The following ACSF3 variants were observed in gnomAD, a reference collection of about 807,000 sequenced individuals.
ACSF3 encodes acyl-CoA synthetase family member 3, also known as malonate--CoA ligase ACSF3, mitochondrial.
Under a neutral mutation model 53.2 loss-of-function variants are expected in ACSF3, and 78 were observed. The observed-to-expected ratio is 1.47, with a 90% confidence interval of 1.22 to 1.77. The LOEUF is 1.77. ACSF3 is among the 40% of genes most tolerant of loss of function. The probability of loss-of-function intolerance (pLI) is 0.00; values close to 1 mark genes in which losing one functional copy is unlikely to be tolerated. For missense variants in ACSF3, 937 were observed against 771.1 expected (o/e 1.22, Z -2.55); for synonymous variants, 414 against 333.1 (o/e 1.24, Z -2.65).
chr16:89,153,556 GCTCTGTGAGGC>G (rs1051862798), intron 10 of ACSF3: 1 of 172,746 alleles, frequency 5.8e-6, no homozygotes, highest in Admixed American at 5.6e-5. Flanking sequence ...GCCGTGCAGG[GCTCTGTGAGGC>G]CTCTTGCCAC....
chr16:89,145,920 C>G lies in ACSF3; in HGVS notation c.1502-18C>G, dbSNP rs759372180. ...ACTGAGGCATCCCCATGTTCTCAAA[C>G]TGTTCTTCTATCCGCAGATGTGGCT... On this transcript the variant is annotated intron_variant, in intron 9 of 10. Coordinates refer to ENST00000614302, the MANE Select transcript of ACSF3 (RefSeq NM_001243279.3). 1.2e-4 allele frequency: 187 copies of G among 1,607,738 alleles called. No individual in the cohort carries two copies. Among genetic ancestry groups the G allele is most frequent in the Non-Finnish European group, 1.4e-4 (169 of 1,174,266 alleles).
rs911570704 is a variant in ACSF3 at position 89,154,109 on chromosome 16, G to A, written c.1633G>A (p.Ala545Thr). ...EWARNVLAPY[A>T]VPSELVLVEE... ...CTGCAGAAATGTCCTGGCCCCGTACGCGGTGCCCTCGGAGCTGGTGCTGGT... is the reference window on the plus strand; with the variant it reads ...CTGCAGAAATGTCCTGGCCCCGTACACGGTGCCCTCGGAGCTGGTGCTGGT... The change falls in exon 11 of 11, where the codon GCG becomes ACG. Residue 545 changes from alanine (A) to threonine (T), a missense_variant. By Grantham distance (58) the Ala-to-Thr change is moderately conservative (BLOSUM62 0). Coordinates refer to ENST00000614302, the MANE Select transcript of ACSF3 (RefSeq NM_001243279.3). 18 of 1,613,026 alleles carry A rather than the reference G, an allele frequency of 1.1e-5. No homozygotes were observed. The African/African-American group carries it at 1.5e-4, about 13-fold the overall frequency.
intron 7 of ACSF3, among the ~76,000 whole-genome samples, chr16:89,130,156 C>G (rs573536635): frequency 2.0e-5 from 3 of 152,346 alleles, no homozygotes; most frequent in South Asian, 2.1e-4. Flanking sequence ...TAGATCAGAT[C>G]TGCTTGCAAC....
chr16:89,145,978 G>A lies in ACSF3; in HGVS notation c.1542G>A (p.Gln514=), dbSNP rs746953848. 6.2e-7 allele frequency: 1 copy of A among 1,614,126 alleles called. No individual in the cohort carries two copies. The highest frequency in any genetic ancestry group is 1.7e-5 in the Admixed American group (1 of 60,018). Residue 514 remains glutamine (Q), a synonymous_variant, in exon 10 of 11, where the codon CAG becomes CAA. Coordinates refer to ENST00000614302, the MANE Select transcript of ACSF3 (RefSeq NM_001243279.3). ...GAGTTCCGGATATGACATGGGGCCA[G>A]CGGGTCACTGCTGTGGTGACCCTCC... ...VIGVPDMTWG[Q]RVTAVVTLRE...
chr16:89,114,478 C>G lies in ACSF3; in HGVS notation c.1117C>G (p.Arg373Gly), dbSNP rs144907664. The G allele has an allele frequency of 3.7e-6, 6 of 1,611,722 alleles. No individual in the cohort carries two copies. In the Admixed American group the frequency reaches 5.0e-5, roughly 13 times the overall value. The stretch of plus-strand genomic sequence containing the variant: ...GTCCGGGCCCCTGACCACTGCCGTG[C>G]GCCTGCCAGGTACGAGCACTTCCCA... ...ALSGPLTTAV[R>G]LPGSVGTPLP... The change falls in exon 6 of 11, where the codon CGC becomes GGC. Residue 373 changes from arginine (R) to glycine (G), a missense_variant. By Grantham distance (125) the Arg-to-Gly change is moderately radical (BLOSUM62 -2). Transcript: ENST00000614302.
intron 4 of ACSF3, among the ~76,000 whole-genome samples, chr16:89,106,187 A>G (rs141157222): frequency 3.5e-4 from 54 of 152,336 alleles, no homozygotes; most frequent in African/African-American, 1.3e-3. Context: ...TGGCTCATTA[A>G]TGGACACGGG....
chr16:89,151,750 G>A (rs1036572646), intron 10 of ACSF3: 1 of 157,266 alleles, frequency 6.4e-6, no homozygotes, highest in Non-Finnish European at 1.4e-5. Context: ...GGGATTACAG[G>A]TGCGCACCAC....
At chr16:89,114,517 C>A (rs1464000758) in intron 6 of ACSF3, 30 bp downstream of exon 6, 7 of 1,607,868 alleles carry the variant, frequency 4.4e-6, no homozygotes, top group Admixed American at 1.7e-5. Context: ...CTGCGTTCCT[C>A]TTCCACTGTG....
chr16:89,145,013 G>A, intron 8 of ACSF3: 1 of 941,152 alleles, frequency 1.1e-6, no homozygotes, highest in Non-Finnish European at 1.6e-6. Context: ...ATGGGGAAGG[G>A]ACCCCACAGG....
At chr16:89,108,456 C>G (rs956911804) in intron 4 of ACSF3, among the ~76,000 whole-genome samples, 1 of 152,206 alleles carries the variant, frequency 6.6e-6, no homozygotes, top group Non-Finnish European at 1.5e-5. Context: ...TTTTCAAAAA[C>G]AGCTCTATCG....
chr16:89,149,847 TCTCA>T (rs1414170828), intron 10 of ACSF3: 1 of 151,170 alleles, frequency 6.6e-6, no homozygotes, highest in African/African-American at 2.4e-5. Flanking sequence ...GAATAGAAGT[TCTCA>T]CTCCAGGCTG....
chr16:89,123,986 A>G (rs1907304370), intron 7 of ACSF3, among the ~76,000 whole-genome samples: 1 of 150,480 alleles, frequency 6.6e-6, no homozygotes, highest in South Asian at 2.1e-4. Context: ...ACGCATGGGT[A>G]TCACATGCAG....
chr16:89,122,499 TC>T, intron 7 of ACSF3: 1 of 372,584 alleles, frequency 2.7e-6, no homozygotes, highest in Non-Finnish European at 5.4e-6. Context: ...TTCCTGGCTC[TC>T]AAGTCTGTGC....
chr16:89,153,767 C>T (rs1469107944), intron 10 of ACSF3: 3 of 405,072 alleles, frequency 7.4e-6, no homozygotes, highest in African/African-American at 2.0e-5. Context: ...AAGGCCTGGC[C>T]CGGTGTGGGG....
At chr16:89,099,060 G>A (rs1300965891) in intron 2 of ACSF3, among the ~76,000 whole-genome samples, 1 of 152,252 alleles carries the variant, frequency 6.6e-6, no homozygotes, top group South Asian at 2.1e-4. Flanking sequence ...AGGCAGACCA[G>A]CCTATTCTTA....
intron 7 of ACSF3, among the ~76,000 whole-genome samples, chr16:89,123,562 G>A (rs965528626): frequency 1.1e-4 from 17 of 152,264 alleles, no homozygotes; most frequent in Non-Finnish European, 1.5e-5. Context: ...CCCGGCCAGC[G>A]TCCCTCCCCA....
At chr16:89,126,217 CT>C (rs1908062176) in intron 7 of ACSF3, among the ~76,000 whole-genome samples, 1 of 152,178 alleles carries the variant, frequency 6.6e-6, no homozygotes, top group Non-Finnish European at 1.5e-5. Context: ...TCTTCTCCTC[CT>C]TTTCCTCTCC....
intron 4 of ACSF3, among the ~76,000 whole-genome samples, chr16:89,107,290 G>C (rs1160885609): frequency 6.6e-6 from 1 of 152,172 alleles, no homozygotes; most frequent in Non-Finnish European, 1.5e-5. Flanking sequence ...TGAATTCCAA[G>C]AAAGACCGTC....
intron 7 of ACSF3, among the ~76,000 whole-genome samples, chr16:89,124,357 C>T (rs1216008925): frequency 1.3e-5 from 2 of 150,714 alleles, no homozygotes; most frequent in Admixed American, 6.6e-5. Context: ...GTGTGTGATA[C>T]CCCTGTGCAC....
Sources: gnomAD v4.1 joint callset for allele counts (sites outside exome capture counted in the v4.1 genomes callset) on GRCh38, gnomAD v4.1.1 for gene constraint, MANE v1.5 for transcripts, NCBI Gene and HGNC (gene_info 2026-07-23, HGNC 2026-07-21) for gene names.